Variants in DBX2 observed in about 807,000 individuals in gnomAD.
DBX2 encodes developing brain homeobox 2.
A neutral mutation model predicts 17.7 loss-of-function variants in DBX2; 16 were observed. The ratio of observed to expected loss-of-function variants is 0.90; its 90% CI spans 0.61 to 1.37. DBX2 has a LOEUF of 1.37. Among genes scored for constraint, DBX2 ranks in the 40% most tolerant of loss-of-function variants. The pLI is 0.00. For synonymous variants in DBX2, 255 were observed against 183.8 expected (o/e 1.39, Z -3.13); for missense variants, 538 against 433.8 (o/e 1.24, Z -2.13).
At chr12:45,028,453 A>G (rs2731034) in intron 2 of DBX2, among the ~76,000 whole-genome samples, 50,681 of 150,836 alleles carry the variant, frequency 0.34, 8,932 homozygotes, top group Non-Finnish European at 0.41. Context: ...GATTCTATTC[A>G]TTTTGGCTCT....
At chr12:45,043,778 G>T (rs1459339679) in intron 1 of DBX2, among the ~76,000 whole-genome samples, 1 of 152,150 alleles carries the variant, frequency 6.6e-6, no homozygotes, top group Non-Finnish European at 1.5e-5. Flanking sequence ...TATACACAAC[G>T]CCCCTTTTAC....
At chr12:45,031,225 T>TTAGAGA (rs1555141910) in intron 2 of DBX2, among the ~76,000 whole-genome samples, 1 of 85,624 alleles carries the variant, frequency 1.2e-5, no homozygotes, top group Non-Finnish European at 2.2e-5. Context: ...TGTGTGTGTG[T>TTAGAGA]GAGAGAGAGA....
At chr12:45,029,231 G>A (rs1949068378) in intron 2 of DBX2, among the ~76,000 whole-genome samples, 1 of 152,262 alleles carries the variant, frequency 6.6e-6, no homozygotes, top group African/African-American at 2.4e-5. Flanking sequence ...TTAAAAGCTG[G>A]AGCCACCAAT....
chr12:45,016,683 A>G, intron 3 of DBX2, 65 bp from the exon 4 acceptor site: 1 of 1,455,922 alleles, frequency 6.9e-7, no homozygotes, highest in Non-Finnish European at 9.2e-7. Flanking sequence ...AGCATTTTAA[A>G]CTGTAATTGC....
Position 45,035,800 on chromosome 12 carries a change from C to T in DBX2, c.499+219G>A, listed in dbSNP as rs1051800331. Among the ~76,000 whole-genome samples the T allele has an allele frequency of 7.8e-4, 118 of 151,998 alleles. 1 individual carries two copies. Among genetic ancestry groups the T allele is most frequent in the Non-Finnish European group, 2.4e-4 (16 of 67,986 alleles). On this transcript the variant is annotated intron_variant, in intron 2 of 3. Coordinates refer to ENST00000332700, the MANE Select transcript of DBX2 (RefSeq NM_001004329.3). ...AAACAAGTTGCTTTCGGTGATGTGT[C>T]GGCCCTGGGTTTCAATGCCATTAGA...
At chr12:45,049,452 A>C (rs1946517371) in intron 1 of DBX2, among the ~76,000 whole-genome samples, 1 of 152,206 alleles carries the variant, frequency 6.6e-6, no homozygotes, top group Non-Finnish European at 1.5e-5. Context: ...GTGTTCATAT[A>C]GTTATATTTG....
At chr12:45,026,423 T>C (rs754840363) in intron 2 of DBX2, among the ~76,000 whole-genome samples, 10 of 152,214 alleles carry the variant, frequency 6.6e-5, no homozygotes, top group Admixed American at 5.9e-4. Flanking sequence ...ATTGAATCTA[T>C]GGCATGAATG....
intron 1 of DBX2, among the ~76,000 whole-genome samples, chr12:45,038,536 T>A (rs1946452606): frequency 6.6e-6 from 1 of 151,342 alleles, no homozygotes. Context: ...ACATATTGCA[T>A]CCTTATATAT....
At chr12:45,037,833 T>C (rs1015668949) in intron 1 of DBX2, among the ~76,000 whole-genome samples, 5 of 152,210 alleles carry the variant, frequency 3.3e-5, no homozygotes, top group Non-Finnish European at 5.9e-5. Flanking sequence ...TAGCACACAA[T>C]GGGAAGTTGT....
intron 2 of DBX2, among the ~76,000 whole-genome samples, 170 bp downstream of exon 2, chr12:45,035,849 C>CTGAG (rs1946437282): frequency 1.3e-5 from 2 of 152,256 alleles, no homozygotes; most frequent in South Asian, 4.2e-4. Flanking sequence ...GCTCAGTGTG[C>CTGAG]TGAGGTTTGA....
intron 2 of DBX2, among the ~76,000 whole-genome samples, chr12:45,034,781 C>T (rs1946427359): frequency 6.6e-6 from 1 of 152,202 alleles, no homozygotes; most frequent in Non-Finnish European, 1.5e-5. Flanking sequence ...CAGAAATTCA[C>T]TTGGAATGTG....
chr12:45,023,119 A>G (rs1946362300), intron 3 of DBX2, among the ~76,000 whole-genome samples: 1 of 152,226 alleles, frequency 6.6e-6, no homozygotes. Context: ...TCCAAAAGCT[A>G]GAAAGTCCCA....
In DBX2 at chr12:45,051,075, G is replaced by A; in HGVS notation, c.-148C>T. 1.1e-6 allele frequency: 1 copy of A among 917,722 alleles called. No homozygotes were observed. Among genetic ancestry groups the A allele is most frequent in the Non-Finnish European group, 1.4e-6 (1 of 692,186 alleles). 56.8% of individuals were successfully genotyped at this position (917,722 alleles called of 1,614,324 possible). A position where few individuals can be genotyped will look rare whatever the true frequency, so the allele number is the denominator to read the frequency against. On this transcript the variant is annotated 5_prime_UTR_variant, in exon 1 of 4. Coordinates refer to ENST00000332700, the MANE Select transcript of DBX2 (RefSeq NM_001004329.3). Reference sequence around the variant, plus strand: ...GCCAGGCAGGGAGGAAAGGCCACCCGGGACGGCGGCGGACTTGGAACGATA... The same window carrying A: ...GCCAGGCAGGGAGGAAAGGCCACCCAGGACGGCGGCGGACTTGGAACGATA...
intron 3 of DBX2, among the ~76,000 whole-genome samples, chr12:45,017,096 T>C (rs1391796431): frequency 6.6e-6 from 1 of 152,204 alleles, no homozygotes. Flanking sequence ...AAAAATATCT[T>C]AATCTAATAT....
chr12:45,048,584 C>T (rs770646131), intron 1 of DBX2, among the ~76,000 whole-genome samples: 28 of 151,900 alleles, frequency 1.8e-4, no homozygotes, highest in African/African-American at 5.1e-4. Flanking sequence ...TAAATAAAAC[C>T]GGGGCAATGT....
In DBX2 at chr12:45,050,742, C is replaced by T; in HGVS notation, c.186G>A (p.Pro62=). 6.7e-7 allele frequency: 1 copy of T among 1,497,104 alleles called. No homozygotes were observed. The highest frequency in any genetic ancestry group is 8.9e-7 in the Non-Finnish European group (1 of 1,125,286). 92.7% of individuals were successfully genotyped at this position (1,497,104 alleles called of 1,614,324 possible). A position where few individuals can be genotyped will look rare whatever the true frequency, so the allele number is the denominator to read the frequency against. The change falls in exon 1 of 4, where the codon CCG becomes CCA. Residue 62 remains proline (P), a synonymous_variant. Transcript: ENST00000332700. ...PRLQPPAPHD[P]ATALATAGAQ... is the part of the protein sequence containing the mutation. ...CGCCCGCGGTGGCCAGGGCGGTCGC[C>T]GGGTCGTGGGGCGCGGGCGGCTGCA...
At chr12:45,033,238 T>C (rs1282377715) in intron 2 of DBX2, among the ~76,000 whole-genome samples, 3 of 152,232 alleles carry the variant, frequency 2.0e-5, no homozygotes, top group East Asian at 1.9e-4. Flanking sequence ...TAGTTAAAAA[T>C]GTGCTGGTCT....
At chr12:45,019,230 C>G (rs1946338580) in intron 3 of DBX2, among the ~76,000 whole-genome samples, 1 of 151,920 alleles carries the variant, frequency 6.6e-6, no homozygotes, top group African/African-American at 2.4e-5. Flanking sequence ...AATATACTAA[C>G]CATAATATTC....
At chr12:45,048,051 C>A (rs892139105) in intron 1 of DBX2, among the ~76,000 whole-genome samples, 2 of 152,146 alleles carry the variant, frequency 1.3e-5, no homozygotes, top group South Asian at 2.1e-4. Context: ...TAGAACAGAG[C>A]CTGATACATG....
Sources: gnomAD v4.1 joint callset for allele counts (sites outside exome capture counted in the v4.1 genomes callset) on GRCh38, gnomAD v4.1.1 for gene constraint, MANE v1.5 for transcripts, NCBI Gene and HGNC (gene_info 2026-07-23, HGNC 2026-07-21) for gene names.